Variants in COL5A1 observed in about 807,000 individuals in gnomAD.
COL5A1 encodes collagen alpha-1(V) chain.
Under a neutral mutation model 263.7 loss-of-function variants are expected in COL5A1, and 16 were observed. The ratio of observed to expected loss-of-function variants is 0.06; its 90% CI spans 0.04 to 0.09. The LOEUF is 0.09. Ranked by LOEUF, COL5A1 falls within the 10% of genes least tolerant of loss-of-function variation. The pLI, the probability that COL5A1 is intolerant of heterozygous loss-of-function variation, is 1.00. For synonymous variants in COL5A1, 1,012 were observed against 1,004.5 expected (o/e 1.01, Z -0.14); for missense variants, 2,036 against 2,540.5 (o/e 0.80, Z 4.27).
At position 134,727,253 on chromosome 9, in the gene COL5A1, T is replaced by C; in HGVS notation, c.655-13T>C. On this transcript the variant is annotated splice_polypyrimidine_tract_variant and intron_variant, in intron 4 of 65. Transcript: ENST00000371817. Reference sequence around the variant, plus strand: ...TGTGAGCTGCTTTTTCATGAGCGTCTCTTCTTTTCCAGGGTGACATCCAGC... The same window carrying C: ...TGTGAGCTGCTTTTTCATGAGCGTCCCTTCTTTTCCAGGGTGACATCCAGC... The C allele has an allele frequency of 6.2e-7, 1 of 1,613,304 alleles. No individual in the cohort carries two copies. Among genetic ancestry groups the C allele is most frequent in the Non-Finnish European group, 8.5e-7 (1 of 1,179,940 alleles).
chr9:134,781,219 C>T (rs960467850), intron 28 of COL5A1, among the ~76,000 whole-genome samples: 14 of 152,244 alleles, frequency 9.2e-5, no homozygotes, highest in African/African-American at 3.4e-4. Context: ...GTTTGTTGAG[C>T]GTGCTGGTCC....
At chr9:134,711,916 C>T (rs1348178996) in intron 4 of COL5A1, among the ~76,000 whole-genome samples, 7 of 152,164 alleles carry the variant, frequency 4.6e-5, no homozygotes, top group Non-Finnish European at 8.8e-5. Flanking sequence ...AGTCTCACAC[C>T]CTGGACTCCT....
intron 28 of COL5A1, among the ~76,000 whole-genome samples, chr9:134,781,612 A>G (rs1837258289): frequency 6.6e-6 from 1 of 152,162 alleles, no homozygotes; most frequent in Non-Finnish European, 1.5e-5. Flanking sequence ...TGTGCAGGGG[A>G]TGCCTTCTTG....
intron 35 of COL5A1, 103 bp downstream of exon 35, chr9:134,796,521 C>T: frequency 8.2e-7 from 1 of 1,216,934 alleles, no homozygotes; most frequent in Non-Finnish European, 1.2e-6. Context: ...AGGCACGCCT[C>T]AGACCCTGCT....
intron 34 of COL5A1, among the ~76,000 whole-genome samples, chr9:134,795,731 C>T (rs1320213046): frequency 2.0e-5 from 3 of 152,232 alleles, no homozygotes; most frequent in Non-Finnish European, 2.9e-5. Context: ...AGGCCCAGGC[C>T]GGCCTCATGC....
chr9:134,670,983 T>G (rs1832524596), intron 1 of COL5A1, among the ~76,000 whole-genome samples: 2 of 152,178 alleles, frequency 1.3e-5, no homozygotes, highest in Non-Finnish European at 1.5e-5. Flanking sequence ...TGGAGGTGGC[T>G]GGTAGAGAGG....
chr9:134,709,806 T>G (rs1833963638), intron 4 of COL5A1, among the ~76,000 whole-genome samples: 1 of 152,176 alleles, frequency 6.6e-6, no homozygotes, highest in Non-Finnish European at 1.5e-5. Context: ...GATGTTCTGA[T>G]CCACAGTTCC....
chr9:134,829,609 G>A (rs1839505092), intron 63 of COL5A1, among the ~76,000 whole-genome samples: 2 of 142,480 alleles, frequency 1.4e-5, no homozygotes, highest in South Asian at 4.5e-4. Flanking sequence ...CCGGGGCCAG[G>A]CTCATCCTCA....
At chr9:134,701,833 G>A in intron 4 of COL5A1, among the ~76,000 whole-genome samples, 1 of 152,222 alleles carries the variant, frequency 6.6e-6, no homozygotes, top group Admixed American at 6.5e-5. Flanking sequence ...CAGGGGCCTT[G>A]CTTTCCCGGG....
intron 63 of COL5A1, among the ~76,000 whole-genome samples, chr9:134,826,554 GGTGT>G (rs367856120): frequency 8.2e-5 from 11 of 134,290 alleles, no homozygotes; most frequent in African/African-American, 1.7e-4. Context: ...GTGTGTGAAT[GGTGT>G]GTGTGTGTGT....
intron 11 of COL5A1, among the ~76,000 whole-genome samples, chr9:134,740,654 C>G (rs940272357): frequency 6.6e-6 from 1 of 152,198 alleles, no homozygotes; most frequent in South Asian, 2.1e-4. Context: ...CTGCTCTAGC[C>G]TGGGGATCTC....
intron 4 of COL5A1, among the ~76,000 whole-genome samples, chr9:134,719,787 G>A (rs1834390697): frequency 1.3e-5 from 2 of 152,196 alleles, no homozygotes; most frequent in Non-Finnish European, 2.9e-5. Context: ...AGCAATGAAG[G>A]GTGGAGAAGG....
At chr9:134,654,619 AG>A (rs1243790692) in intron 1 of COL5A1, among the ~76,000 whole-genome samples, 1 of 87,208 alleles carries the variant, frequency 1.1e-5, no homozygotes, top group Non-Finnish European at 2.2e-5. Context: ...GAGGGTGTGT[AG>A]GGCTGGGGGT....
rs746167185 is a variant in COL5A1 at position 134,758,195 on chromosome 9, C to T, written c.1882-48C>T. The stretch of plus-strand genomic sequence containing the variant: ...TTGGTGGACACCAAGGCGGGGTGTC[C>T]ACGTGTGCAGGGTGGCGTCTGAGGC... On this transcript the variant is annotated intron_variant, in intron 17 of 65. Transcript: ENST00000371817. This position sits in a 1 kb window ranked among gnomAD's most constrained non-coding sequence, Gnocchi z 4.1. 2.5e-6 allele frequency: 4 copies of T among 1,605,870 alleles called. No homozygotes were observed. The highest frequency in any genetic ancestry group is 2.6e-6 in the Non-Finnish European group (3 of 1,173,060).
Position 134,781,401 on chromosome 9 carries a change from T to C in COL5A1, c.2430+1255T>C, listed in dbSNP as rs903421725. Among the ~76,000 whole-genome samples, 10 of 152,228 alleles carry C rather than the reference T, an allele frequency of 6.6e-5. No homozygotes were observed. In the East Asian group the frequency reaches 9.6e-4, roughly 15 times the overall value. ...AGCACTGCTTTCTACGTGGAGCCCG[T>C]CGGGGCTTCGGAACACGAGGGCCTT... On this transcript the variant is annotated intron_variant, in intron 28 of 65. Transcript: ENST00000371817.
At chr9:134,800,264 C>G (rs1453127967) in intron 37 of COL5A1, among the ~76,000 whole-genome samples, 3 of 151,430 alleles carry the variant, frequency 2.0e-5, no homozygotes, top group Non-Finnish European at 2.9e-5. Context: ...AAAACTTAAC[C>G]AAGGCTCCGA....
chr9:134,687,478 C>T (rs1301427123), intron 1 of COL5A1, among the ~76,000 whole-genome samples: 2 of 151,802 alleles, frequency 1.3e-5, no homozygotes, highest in Admixed American at 1.3e-4. Flanking sequence ...ATCCATTCAT[C>T]CATCCATCCA....
chr9:134,765,840 C>T lies in COL5A1; in HGVS notation c.2088+106C>T. The T allele has an allele frequency of 1.1e-6, 1 of 877,256 alleles. No homozygotes were observed. Among genetic ancestry groups the T allele is most frequent in the Non-Finnish European group, 1.8e-6 (1 of 557,164 alleles). 54.3% of individuals were successfully genotyped at this position (877,256 alleles called of 1,614,324 possible). On this transcript the variant is annotated intron_variant, in intron 21 of 65. Coordinates refer to ENST00000371817, the MANE Select transcript of COL5A1 (RefSeq NM_000093.5). This position sits in a 1 kb window ranked among gnomAD's most constrained non-coding sequence, Gnocchi z 5.1. ...ACTGGGGCAGCAAGTCCGTGCTGGC[C>T]CCTCTGGCGCCTGCCTGCTGCCAGT...
intron 23 of COL5A1, 65 bp from the exon 24 acceptor site, chr9:134,767,245 G>A (rs986037014): frequency 4.5e-6 from 7 of 1,545,146 alleles, no homozygotes; most frequent in South Asian, 2.2e-5. Context: ...TGGACAGATG[G>A]CAGGGGAGGG....
Sources: allele counts gnomAD v4.1 joint callset (sites outside exome capture counted in the v4.1 genomes callset), GRCh38; gene constraint gnomAD v4.1.1; non-coding constraint Gnocchi (gnomAD v3.1); transcripts MANE v1.5; gene names NCBI Gene and HGNC (gene_info 2026-07-23, HGNC 2026-07-21).